The following NDUFAF7 variants were observed in gnomAD, a reference collection of about 807,000 sequenced individuals.
NDUFAF7 encodes the protein NADH:ubiquinone oxidoreductase complex assembly factor 7.
In NDUFAF7, 48 loss-of-function variants were observed where a neutral mutation model predicts 47.2. The ratio of observed to expected loss-of-function variants is 1.02; its 90% CI spans 0.81 to 1.29. The LOEUF (loss-of-function observed/expected upper bound fraction) is 1.29. Among genes scored for constraint, NDUFAF7 ranks in the 50% most tolerant of loss-of-function variants. The pLI, the probability that NDUFAF7 is intolerant of heterozygous loss-of-function variation, is 0.00. For synonymous variants in NDUFAF7, 217 were observed against 190.0 expected (o/e 1.14, Z -1.17); for missense variants, 635 against 537.6 (o/e 1.18, Z -1.79).
At chr2:37,238,085 C>T (rs1431961539) in intron 4 of NDUFAF7, among the ~76,000 whole-genome samples, 2 of 151,856 alleles carry the variant, frequency 1.3e-5, no homozygotes, top group Non-Finnish European at 2.9e-5. Flanking sequence ...AAATAGGAAA[C>T]ATTTAGAAGA....
At chr2:37,258,954 C>T in the NDUFAF7 span, among the ~76,000 whole-genome samples, 5 of 151,950 alleles carry the variant, frequency 3.3e-5, no homozygotes, top group African/African-American at 1.2e-4. Context: ...AGGGTACCAC[C>T]ACCACCACTT....
At chr2:37,251,456 T>TG (rs1169678262), downstream of NDUFAF7, 1 of 152,578 alleles carries the variant, frequency 6.6e-6, no homozygotes, top group Non-Finnish European at 1.5e-5. Flanking sequence ...CTTAACACTA[T>TG]GGCTGCTGTG....
At chr2:37,270,683 T>C in the NDUFAF7 span, among the ~76,000 whole-genome samples, 27 of 152,372 alleles carry the variant, frequency 1.8e-4, no homozygotes, top group South Asian at 4.1e-3. Flanking sequence ...CCAGTGAATA[T>C]GCATGTATAT....
the NDUFAF7 span, chr2:37,267,908 G>A: frequency 4.7e-6 from 1 of 210,858 alleles, no homozygotes; most frequent in Non-Finnish European, 9.5e-6. Flanking sequence ...CAATGAGTCA[G>A]CACAGAGTGA....
At chr2:37,267,657 C>G in the NDUFAF7 span, 4 of 747,462 alleles carry the variant, frequency 5.4e-6, no homozygotes, top group Non-Finnish European at 8.9e-6. Context: ...CATTTTTGTT[C>G]TTTCTCCACA....
the NDUFAF7 span, chr2:37,260,525 T>A: frequency 6.2e-6 from 5 of 800,556 alleles, no homozygotes; most frequent in Middle Eastern, 3.3e-4. Flanking sequence ...AAAATTACAA[T>A]CAATGAAAAG....
chr2:37,266,997 T>C, the NDUFAF7 span, among the ~76,000 whole-genome samples: 1 of 152,204 alleles, frequency 6.6e-6, no homozygotes, highest in African/African-American at 2.4e-5. Context: ...ATTGCCAATA[T>C]ATCTTTAAAA....
chr2:37,247,066 TAG>T (rs976970728), intron 8 of NDUFAF7, among the ~76,000 whole-genome samples: 8 of 152,160 alleles, frequency 5.3e-5, no homozygotes, highest in African/African-American at 1.7e-4. Flanking sequence ...TCCCCTCTAG[TAG>T]TCACCAGTGT....
At chr2:37,238,978 C>T (rs886819005) in intron 4 of NDUFAF7, among the ~76,000 whole-genome samples, 1 of 150,778 alleles carries the variant, frequency 6.6e-6, no homozygotes, top group African/African-American at 2.4e-5. Flanking sequence ...TGAGATACTA[C>T]TGTAACCCTT....
At chr2:37,252,919 GAA>G (rs532477575), downstream of NDUFAF7, 625 of 240,848 alleles carry the variant, frequency 2.6e-3, 1 homozygote, top group Middle Eastern at 5.2e-3. Flanking sequence ...GAAGGATTAA[GAA>G]AAAATACAAA....
the NDUFAF7 span, chr2:37,269,297 A>G: frequency 3.3e-6 from 1 of 307,606 alleles, no homozygotes; most frequent in Non-Finnish European, 6.4e-6. Context: ...ACTTCAATGA[A>G]TAAGCCCACT....
the NDUFAF7 span, among the ~76,000 whole-genome samples, chr2:37,259,246 G>A: frequency 6.6e-6 from 1 of 152,170 alleles, no homozygotes; most frequent in South Asian, 2.1e-4. Context: ...CCCATTTCCA[G>A]TAACACCCCA....
At chr2:37,267,448 A>T in the NDUFAF7 span, 1 of 1,602,416 alleles carries the variant, frequency 6.2e-7, no homozygotes. Context: ...TAGCCACTTC[A>T]TTACGGAGTT....
intron 1 of NDUFAF7, 96 bp from the exon 2 acceptor site, chr2:37,232,010 A>C: frequency 1.2e-6 from 2 of 1,605,938 alleles, no homozygotes; most frequent in South Asian, 2.2e-5. Flanking sequence ...GGGCGAGGTT[A>C]AGGGTTCACG....
At chr2:37,241,913 TAG>T (rs1666391826) in intron 5 of NDUFAF7, 122 bp downstream of exon 5, 2 of 826,634 alleles carry the variant, frequency 2.4e-6, no homozygotes. Flanking sequence ...CCCTTATCCA[TAG>T]AGAGTAGCCT....
chr2:37,264,775 A>G, the NDUFAF7 span, among the ~76,000 whole-genome samples: 1 of 152,130 alleles, frequency 6.6e-6, no homozygotes, highest in Non-Finnish European at 1.5e-5. Context: ...TGTTGTGTAT[A>G]TTGTCTGCAG....
intron 5 of NDUFAF7, chr2:37,241,996 G>A (rs1666399505): frequency 3.4e-6 from 2 of 590,090 alleles, no homozygotes; most frequent in African/African-American, 3.7e-5. Flanking sequence ...TTTATTTCAT[G>A]AAGCTTTGTA....
At chr2:37,263,531 G>A in the NDUFAF7 span, among the ~76,000 whole-genome samples, 2 of 150,658 alleles carry the variant, frequency 1.3e-5, no homozygotes, top group African/African-American at 5.0e-5. Context: ...GTTTCTCCTT[G>A]TTTTTAGTTT....
chr2:37,245,386 T>G (rs773755863), intron 7 of NDUFAF7, among the ~76,000 whole-genome samples: 1 of 152,214 alleles, frequency 6.6e-6, no homozygotes, highest in Non-Finnish European at 1.5e-5. Context: ...TATATACTAG[T>G]CAGGTTGACA....
Sources: gnomAD v4.1 joint callset for allele counts (sites outside exome capture counted in the v4.1 genomes callset) on GRCh38, gnomAD v4.1.1 for gene constraint, MANE v1.5 for transcripts, NCBI Gene and HGNC (gene_info 2026-07-23, HGNC 2026-07-21) for gene names.